STPG2: variants seen among roughly 807,000 people sequenced by gnomAD.
STPG2 encodes the protein sperm-tail PG-rich repeat-containing protein 2.
A neutral mutation model predicts 54.2 loss-of-function variants in STPG2; 56 were observed. That is an observed-to-expected ratio of 1.03 (90% CI 0.83 to 1.29). The LOEUF is 1.29. STPG2 is among the 50% of genes most tolerant of loss of function. The probability of loss-of-function intolerance (pLI) is 0.00; values close to 1 mark genes in which losing one functional copy is unlikely to be tolerated. For synonymous variants in STPG2, 200 were observed against 181.8 expected, an observed-to-expected ratio of 1.10 and a Z score of -0.81; for missense variants, 596 against 544.9, an observed-to-expected ratio of 1.09 and a Z score of -0.93.
intron 5 of STPG2, among the ~76,000 whole-genome samples, chr4:98,016,671 TTTTG>T (rs1735955577): frequency 6.6e-6 from 1 of 152,212 alleles, no homozygotes; most frequent in Non-Finnish European, 1.5e-5. Context: ...GTTTTCCTGA[TTTTG>T]TTTACTTGCC....
chr4:97,768,082 T>G (rs891991594), intron 9 of STPG2, among the ~76,000 whole-genome samples: 7 of 151,492 alleles, frequency 4.6e-5, no homozygotes, highest in Admixed American at 1.3e-4. Flanking sequence ...CAGGAGAATG[T>G]CGTGAACCCA....
At chr4:97,597,804 T>C (rs1733338592) in intron 10 of STPG2, among the ~76,000 whole-genome samples, 1 of 152,022 alleles carries the variant, frequency 6.6e-6, no homozygotes, top group African/African-American at 2.4e-5. Context: ...GGTGGTAGCA[T>C]TTCCCTTGAG....
intron 9 of STPG2, among the ~76,000 whole-genome samples, chr4:97,828,209 G>A (rs917410398): frequency 5.3e-5 from 8 of 152,108 alleles, no homozygotes; most frequent in Non-Finnish European, 1.0e-4. Context: ...ATTGGGACTG[G>A]GTGGACAGTG....
At chr4:97,782,258 A>G (rs1354697742) in intron 9 of STPG2, among the ~76,000 whole-genome samples, 1 of 152,232 alleles carries the variant, frequency 6.6e-6, no homozygotes, top group Non-Finnish European at 1.5e-5. Context: ...ATCAATGTGC[A>G]AAAATCACAA....
chr4:97,607,162 A>G (rs533314473), intron 10 of STPG2, among the ~76,000 whole-genome samples: 1 of 152,038 alleles, frequency 6.6e-6, no homozygotes, highest in South Asian at 2.1e-4. Flanking sequence ...TATTACTGCA[A>G]TAATAGCAGC....
chr4:97,848,078 A>T (rs1729012788), intron 8 of STPG2, among the ~76,000 whole-genome samples: 1 of 152,166 alleles, frequency 6.6e-6, no homozygotes, highest in Non-Finnish European at 1.5e-5. Context: ...CCCTCATTGG[A>T]TCCCCAGTGC....
chr4:98,095,349 C>T (rs892300523), intron 5 of STPG2, among the ~76,000 whole-genome samples: 7 of 152,122 alleles, frequency 4.6e-5, no homozygotes, highest in African/African-American at 1.4e-4. Context: ...TGTAAATGGA[C>T]TAAACTCTCC....
At chr4:97,488,228 G>C (rs1194376971) in intron 4 of STPG2, among the ~76,000 whole-genome samples, 1 of 151,582 alleles carries the variant, frequency 6.6e-6, no homozygotes, top group Non-Finnish European at 1.5e-5. Flanking sequence ...CTTACCTTAA[G>C]AGAAAAATCA....
At chr4:98,034,947 T>G (rs145046168) in intron 5 of STPG2, among the ~76,000 whole-genome samples, 1,773 of 152,152 alleles carry the variant, frequency 0.012, 28 homozygotes, top group African/African-American at 0.041. Context: ...AAAAATTAAC[T>G]CAAGATGGAT....
At chr4:97,564,910 T>C (rs1336152902) in intron 10 of STPG2, among the ~76,000 whole-genome samples, 1 of 152,202 alleles carries the variant, frequency 6.6e-6, no homozygotes, top group East Asian at 1.9e-4. Context: ...TAATTATGTG[T>C]CTTGGAGTTG....
intron 5 of STPG2, among the ~76,000 whole-genome samples, chr4:98,056,260 A>G (rs1215485617): frequency 6.6e-6 from 1 of 152,026 alleles, no homozygotes; most frequent in Non-Finnish European, 1.5e-5. Flanking sequence ...GGGACAGAGA[A>G]GGCACCCAGA....
chr4:97,475,717 T>C (rs1241327579), intron 4 of STPG2, among the ~76,000 whole-genome samples: 1 of 152,124 alleles, frequency 6.6e-6, no homozygotes, highest in Non-Finnish European at 1.5e-5. Context: ...TAACATACCA[T>C]GAATACTTTG....
In STPG2 at chr4:97,849,864, G is replaced by A. The variant is rs192321245; in HGVS notation, c.1045-8932C>T. On this transcript the variant is annotated intron_variant, in intron 8 of 10. Transcript: ENST00000295268. Reference sequence around the variant, plus strand: ...GAACCATTGTGGAAGTCAGTGTGGCGACTCCTCAGGGATCTAGAACTAGAA... The same window carrying A: ...GAACCATTGTGGAAGTCAGTGTGGCAACTCCTCAGGGATCTAGAACTAGAA... Among the ~76,000 whole-genome samples, 396 of 152,124 alleles carry A rather than the reference G, an allele frequency of 2.6e-3. 3 individuals carry two copies. Among genetic ancestry groups the A allele is most frequent in the African/African-American group, 8.9e-3 (370 of 41,500 alleles).
intron 9 of STPG2, among the ~76,000 whole-genome samples, chr4:97,759,323 T>G (rs1725822083): frequency 6.6e-6 from 1 of 152,178 alleles, no homozygotes; most frequent in Non-Finnish European, 1.5e-5. Flanking sequence ...AAAATAACAT[T>G]GTCACTTGTC....
intron 9 of STPG2, among the ~76,000 whole-genome samples, chr4:97,764,956 A>G (rs1417187159): frequency 2.0e-5 from 3 of 152,150 alleles, no homozygotes; most frequent in South Asian, 2.1e-4. Flanking sequence ...GGGCCCCATC[A>G]TAGTTTTGAA....
chr4:97,771,347 T>C (rs1055526576), intron 9 of STPG2, among the ~76,000 whole-genome samples: 8 of 152,096 alleles, frequency 5.3e-5, no homozygotes, highest in African/African-American at 1.9e-4. Flanking sequence ...AGGACTAAGA[T>C]AGAGTACCTA....
intron 8 of STPG2, among the ~76,000 whole-genome samples, chr4:97,905,618 A>T (rs1234178633): frequency 6.6e-6 from 1 of 152,164 alleles, no homozygotes; most frequent in African/African-American, 2.4e-5. Flanking sequence ...ATTAACTTTA[A>T]ATGTAAATGG....
chr4:97,590,644 C>G (rs112223843), intron 10 of STPG2, among the ~76,000 whole-genome samples: 3,156 of 133,118 alleles, frequency 0.024, 98 homozygotes, highest in African/African-American at 0.12. Context: ...CACAGACACA[C>G]ACACACACAC....
At chr4:97,593,309 T>G (rs1318098957) in intron 10 of STPG2, among the ~76,000 whole-genome samples, 1 of 152,124 alleles carries the variant, frequency 6.6e-6, no homozygotes, top group Non-Finnish European at 1.5e-5. Context: ...CAGCCACCCC[T>G]TCCACTGCTT....
Sources: allele counts gnomAD v4.1 joint callset (sites outside exome capture counted in the v4.1 genomes callset), GRCh38; gene constraint gnomAD v4.1.1; transcripts MANE v1.5; gene names NCBI Gene and HGNC (gene_info 2026-07-23, HGNC 2026-07-21).